Variants in HIVEP2 observed in about 807,000 individuals in gnomAD.
The protein encoded by HIVEP2 is HIVEP zinc finger 2.
HIVEP2 carries 14 observed loss-of-function variants against 180.7 expected under a neutral mutation model. That is an observed-to-expected ratio of 0.08 (90% confidence interval 0.05 to 0.12). The LOEUF (loss-of-function observed/expected upper bound fraction) is 0.12. Among genes scored for constraint, HIVEP2 ranks in the 10% least tolerant of loss-of-function variants. The probability of loss-of-function intolerance (pLI) is 1.00; values close to 1 mark genes in which losing one functional copy is unlikely to be tolerated. For missense variants in HIVEP2, 2,579 were observed against 3,008.5 expected (o/e 0.86, Z 3.34); for synonymous variants, 1,184 against 1,136.4 (o/e 1.04, Z -0.84).
At chr6:142,865,773 C>T (rs555459066) in intron 1 of HIVEP2, among the ~76,000 whole-genome samples, 100 of 152,218 alleles carry the variant, frequency 6.6e-4, no homozygotes, top group African/African-American at 2.2e-3. Context: ...AACCAGAAAG[C>T]GTTTCGCATG....
intron 1 of HIVEP2, among the ~76,000 whole-genome samples, chr6:142,847,710 G>C (rs1410614119): frequency 6.6e-6 from 1 of 152,150 alleles, no homozygotes; most frequent in African/African-American, 2.4e-5. Flanking sequence ...ACTGGGATTT[G>C]TGCTGAACAT....
chr6:142,763,569 A>C (rs1354548139), intron 7 of HIVEP2, among the ~76,000 whole-genome samples: 1 of 152,236 alleles, frequency 6.6e-6, no homozygotes, highest in Non-Finnish European at 1.5e-5. Flanking sequence ...TCATTTCTTC[A>C]TCCAGTTTTT....
intron 3 of HIVEP2, among the ~76,000 whole-genome samples, chr6:142,778,662 C>T (rs926299021): frequency 1.3e-5 from 2 of 152,028 alleles, no homozygotes; most frequent in Non-Finnish European, 2.9e-5. Context: ...ATTTTATCTT[C>T]ATTATACCTC....
At chr6:142,818,429 C>T (rs1442760745) in intron 2 of HIVEP2, among the ~76,000 whole-genome samples, 1 of 152,122 alleles carries the variant, frequency 6.6e-6, no homozygotes, top group African/African-American at 2.4e-5. Context: ...GTAATCCCAG[C>T]ACTTTGGGAG....
chr6:142,808,848 G>A (rs1233292883), intron 2 of HIVEP2, among the ~76,000 whole-genome samples: 5 of 151,990 alleles, frequency 3.3e-5, no homozygotes, highest in Non-Finnish European at 4.4e-5. Context: ...ACCTCATAAC[G>A]AATCTCTCAG....
chr6:142,887,421 T>G (rs1396450870), intron 1 of HIVEP2, among the ~76,000 whole-genome samples: 1 of 152,182 alleles, frequency 6.6e-6, no homozygotes, highest in East Asian at 1.9e-4. Flanking sequence ...TGATCATGTT[T>G]CACCCTGCTA....
At chr6:142,895,383 A>T (rs902148341) in intron 1 of HIVEP2, among the ~76,000 whole-genome samples, 10 of 151,682 alleles carry the variant, frequency 6.6e-5, no homozygotes, top group African/African-American at 2.4e-4. Context: ...TGGTCAAATG[A>T]TGTAGGATGG....
At chr6:142,832,525 G>C (rs1775115608) in intron 2 of HIVEP2, among the ~76,000 whole-genome samples, 1 of 152,190 alleles carries the variant, frequency 6.6e-6, no homozygotes, top group South Asian at 2.1e-4. Flanking sequence ...TCCGACGTCA[G>C]TAAAGTGCAT....
At chr6:142,899,043 T>G (rs9496475) in intron 1 of HIVEP2, among the ~76,000 whole-genome samples, 2 of 151,926 alleles carry the variant, frequency 1.3e-5, no homozygotes. Context: ...ATATGTCCCC[T>G]GTCTTGCCTG....
At chr6:142,837,077 T>A (rs1453581013) in intron 1 of HIVEP2, 30 bp from the exon 2 acceptor site, 1 of 152,112 alleles carries the variant, frequency 6.6e-6, no homozygotes, top group African/African-American at 2.4e-5. Context: ...GAACTACATT[T>A]AAACCGGAGC....
intron 1 of HIVEP2, among the ~76,000 whole-genome samples, chr6:142,839,336 C>T (rs950098692): frequency 5.9e-5 from 9 of 151,994 alleles, no homozygotes; most frequent in African/African-American, 2.2e-4. Flanking sequence ...CTCTAAACTT[C>T]CTTACTTTTA....
At chr6:142,873,217 CAG>C (rs1274601047) in intron 1 of HIVEP2, among the ~76,000 whole-genome samples, 1 of 152,222 alleles carries the variant, frequency 6.6e-6, no homozygotes, top group Non-Finnish European at 1.5e-5. Flanking sequence ...TGCGAAGCCA[CAG>C]CCACCTTTTG....
intron 2 of HIVEP2, among the ~76,000 whole-genome samples, chr6:142,832,308 C>T (rs1775109969): frequency 6.6e-6 from 1 of 151,510 alleles, no homozygotes; most frequent in African/African-American, 2.4e-5. Flanking sequence ...TTTCAATCAC[C>T]ATTTTTAAGA....
chr6:142,907,466 AG>A (rs1242497446), intron 1 of HIVEP2, among the ~76,000 whole-genome samples: 10 of 152,226 alleles, frequency 6.6e-5, no homozygotes, highest in African/African-American at 2.4e-4. Context: ...GCAATAAAAC[AG>A]TACCAGATAG....
chr6:142,858,901 C>A (rs1012141135), intron 1 of HIVEP2, among the ~76,000 whole-genome samples: 3 of 152,022 alleles, frequency 2.0e-5, no homozygotes, highest in Non-Finnish European at 2.9e-5. Context: ...GCCCTCTCAC[C>A]TGATCTCTTG....
At chr6:142,833,548 C>T (rs995141758) in intron 2 of HIVEP2, among the ~76,000 whole-genome samples, 1 of 152,146 alleles carries the variant, frequency 6.6e-6, no homozygotes, top group African/African-American at 2.4e-5. Context: ...ATGGGATTTG[C>T]TCATACTACT....
chr6:142,836,742 C>T (rs1286890392), intron 2 of HIVEP2, among the ~76,000 whole-genome samples, 193 bp downstream of exon 2: 2 of 152,122 alleles, frequency 1.3e-5, no homozygotes, highest in Admixed American at 6.6e-5. Flanking sequence ...CAGCTAAAAT[C>T]AGACATTTCC....
chr6:142,833,749 C>A (rs198665), intron 2 of HIVEP2, among the ~76,000 whole-genome samples: 61,242 of 151,992 alleles, frequency 0.4, 13,642 homozygotes, highest in African/African-American at 0.58. Context: ...GCTAACAGTA[C>A]TGGGCTCCAC....
At chr6:142,833,000 T>C (rs1328571791) in intron 2 of HIVEP2, among the ~76,000 whole-genome samples, 3 of 152,152 alleles carry the variant, frequency 2.0e-5, no homozygotes, top group African/African-American at 7.2e-5. Context: ...ATGTCAGTCA[T>C]AATAAAAAGA....
Sources: gnomAD v4.1 joint callset for allele counts (sites outside exome capture counted in the v4.1 genomes callset) on GRCh38, gnomAD v4.1.1 for gene constraint, MANE v1.5 for transcripts, NCBI Gene and HGNC (gene_info 2026-07-23, HGNC 2026-07-21) for gene names.